AVEN: variants seen among roughly 807,000 people sequenced by gnomAD.
The protein encoded by AVEN is cell death regulator Aven.
AVEN carries 41 observed loss-of-function variants against 38.1 expected under a neutral mutation model. That is an observed-to-expected ratio of 1.08 (90% CI 0.84 to 1.40). AVEN has a LOEUF of 1.40. Ranked by LOEUF, AVEN falls within the 40% of genes most tolerant of loss-of-function variation. The pLI is 0.00. For missense variants in AVEN, 605 were observed against 438.8 expected, an observed-to-expected ratio of 1.38 and a Z score of -3.38; for synonymous variants, 206 against 171.8, an observed-to-expected ratio of 1.20 and a Z score of -1.56.
At chr15:33,910,130 T>A (rs1315249637) in intron 2 of AVEN, among the ~76,000 whole-genome samples, 1 of 83,800 alleles carries the variant, frequency 1.2e-5, no homozygotes, top group Non-Finnish European at 2.5e-5. Flanking sequence ...CGAGACTCCA[T>A]CTCAAAAAAA....
intron 5 of AVEN, among the ~76,000 whole-genome samples, chr15:34,047,312 G>C (rs1899740266): frequency 6.6e-6 from 1 of 152,116 alleles, no homozygotes; most frequent in South Asian, 2.1e-4. Flanking sequence ...CTCCTGACCT[G>C]ATGATCCGCC....
At chr15:33,985,248 C>A (rs1896372711) in intron 2 of AVEN, among the ~76,000 whole-genome samples, 1 of 150,576 alleles carries the variant, frequency 6.6e-6, no homozygotes, top group Admixed American at 6.6e-5. Flanking sequence ...GTGTCTCTGG[C>A]AAAAGGAGTA....
At chr15:33,862,599 T>TAAGTC (rs1021169939), downstream of AVEN, among the ~76,000 whole-genome samples, 2 of 152,134 alleles carry the variant, frequency 1.3e-5, no homozygotes, top group Non-Finnish European at 1.5e-5. Flanking sequence ...GGGATGAGTT[T>TAAGTC]AAGTCAAAAA....
At chr15:34,042,755 C>T (rs770611571), upstream of AVEN, among the ~76,000 whole-genome samples, 4 of 151,982 alleles carry the variant, frequency 2.6e-5, no homozygotes, top group Non-Finnish European at 5.9e-5. Flanking sequence ...GGTAGTTGTT[C>T]TCAAAATGTA....
rs1048443268 is a variant in AVEN, at chr15:34,031,112, C to T, written c.267+7668G>A. 1.9e-4 allele frequency among the ~76,000 whole-genome samples: 3 copies of T among 15,916 alleles called. No individual in the cohort carries two copies. The Admixed American group carries it at 2.8e-3, about 15-fold the overall frequency. The allele number at this position is 15,916 out of a possible 152,430, so 10.4% of individuals were successfully genotyped here. ...ACACTGATAATAAGCCAAAAGAATA[C>T]ATATGAGTTTTTTTTTGTAACAGCC... On this transcript the variant is annotated intron_variant, in intron 1 of 5. Coordinates refer to ENST00000306730, the MANE Select transcript of AVEN (RefSeq NM_020371.3).
Position 34,055,780 on chromosome 15 carries a change from G to A in AVEN, n.1637+7142C>T, listed in dbSNP as rs549399615. Among the ~76,000 whole-genome samples the A allele has an allele frequency of 3.5e-4, 54 of 152,170 alleles. No homozygotes were observed. The South Asian group carries it at 0.01, about 29-fold the overall frequency. On this transcript the variant is annotated intron_variant and non_coding_transcript_variant, in intron 5 of 11. Coordinates refer to the AVEN transcript ENST00000675287. ...CACACCACTGCACTCCAGCCTGGGCGACGGAGCAAGACTCTGTCACAAAAA... is the reference window on the plus strand; with the variant it reads ...CACACCACTGCACTCCAGCCTGGGCAACGGAGCAAGACTCTGTCACAAAAA...
At chr15:33,932,733 G>A (rs1324335471) in intron 2 of AVEN, among the ~76,000 whole-genome samples, 1 of 152,098 alleles carries the variant, frequency 6.6e-6, no homozygotes, top group African/African-American at 2.4e-5. Flanking sequence ...GCTGAGGCAG[G>A]AGAATTGCTT....
At chr15:34,070,176 G>T (rs1296016519) in intron 2 of AVEN, among the ~76,000 whole-genome samples, 3 of 152,132 alleles carry the variant, frequency 2.0e-5, no homozygotes, top group Non-Finnish European at 2.9e-5. Flanking sequence ...ATCAGATCTC[G>T]TGAGAACTTA....
At position 34,003,062 on chromosome 15, in the gene AVEN, T is replaced by C. The variant is rs777745879; in HGVS notation, c.415A>G (p.Thr139Ala). The C allele has an allele frequency of 1.9e-6, 3 of 1,613,980 alleles. No individual in the cohort carries two copies. The highest frequency in any genetic ancestry group is 2.5e-6 in the Non-Finnish European group (3 of 1,179,910). Residue 139 changes from threonine (T) to alanine (A), a missense_variant, in exon 2 of 6, where the codon ACA becomes GCA. Physicochemically the swap from Thr to Ala is moderately conservative, Grantham distance 58 (BLOSUM62 0). Transcript: ENST00000306730. ...NNESGESQRG[T>A]DFSVLLSSAG... ...GAGCTAAGGAGGACACTGAAATCTG[T>C]TCCCCTCTGTGACTCTCCACTTTCA...
chr15:34,048,500 G>C (rs1289381393), intron 5 of AVEN, among the ~76,000 whole-genome samples: 1 of 151,722 alleles, frequency 6.6e-6, no homozygotes, highest in Non-Finnish European at 1.5e-5. Context: ...ACCTCCATGT[G>C]GGGGTTTCAG....
intron 2 of AVEN, among the ~76,000 whole-genome samples, chr15:33,889,951 G>GTACCTTGACCAATGGGGT (rs1891864902): frequency 6.6e-6 from 1 of 152,148 alleles, no homozygotes; most frequent in Non-Finnish European, 1.5e-5. Flanking sequence ...TCAAGGTACG[G>GTACCTTGACCAATGGGGT]CAAGGTAGAT....
chr15:33,910,346 AG>A (rs1360985990), intron 2 of AVEN, among the ~76,000 whole-genome samples: 1 of 152,178 alleles, frequency 6.6e-6, no homozygotes, highest in African/African-American at 2.4e-5. Flanking sequence ...AATCACTAAC[AG>A]GAAAGAAAAA....
intron 2 of AVEN, among the ~76,000 whole-genome samples, chr15:33,948,297 A>C (rs1201178716): frequency 6.6e-6 from 1 of 151,100 alleles, no homozygotes; most frequent in Non-Finnish European, 1.5e-5. Flanking sequence ...GGGTTTCACT[A>C]TCTTGGCCAG....
At chr15:34,037,339 G>T (rs894148641) in intron 1 of AVEN, among the ~76,000 whole-genome samples, 6 of 151,886 alleles carry the variant, frequency 4.0e-5, no homozygotes, top group African/African-American at 1.5e-4. Context: ...GTGGTAACTG[G>T]TTCACGAAAA....
At chr15:34,024,289 T>C (rs1050297730) in intron 1 of AVEN, among the ~76,000 whole-genome samples, 2 of 151,980 alleles carry the variant, frequency 1.3e-5, no homozygotes, top group African/African-American at 2.4e-5. Context: ...TCACTTCAGG[T>C]AGTGATAAAT....
At chr15:33,882,048 G>C (rs1382199531) in intron 2 of AVEN, among the ~76,000 whole-genome samples, 1 of 152,158 alleles carries the variant, frequency 6.6e-6, no homozygotes, top group Non-Finnish European at 1.5e-5. Context: ...CTCAAAGGGA[G>C]TATACCACTG....
chr15:34,031,564 T>C (rs1315106524), intron 1 of AVEN, among the ~76,000 whole-genome samples: 1 of 152,222 alleles, frequency 6.6e-6, no homozygotes, highest in Non-Finnish European at 1.5e-5. Context: ...TTCGTATCAG[T>C]CCTTAATGGC....
chr15:33,997,037 T>C (rs1896964959), intron 2 of AVEN, among the ~76,000 whole-genome samples: 1 of 152,116 alleles, frequency 6.6e-6, no homozygotes, highest in South Asian at 2.1e-4. Context: ...CTGAAAACCA[T>C]GGCACAAGAA....
intron 2 of AVEN, among the ~76,000 whole-genome samples, chr15:33,986,445 G>A (rs1896474183): frequency 6.6e-6 from 1 of 151,898 alleles, no homozygotes; most frequent in African/African-American, 2.4e-5. Flanking sequence ...TAAACACAAG[G>A]CAGAAGACTC....
Sources: allele counts gnomAD v4.1 joint callset (sites outside exome capture counted in the v4.1 genomes callset), GRCh38; gene constraint gnomAD v4.1.1; transcripts MANE v1.5; gene names NCBI Gene and HGNC (gene_info 2026-07-23, HGNC 2026-07-21).